Variants in KIAA1217 observed in about 807,000 individuals in gnomAD.
The protein encoded by KIAA1217 is KIAA1217, also known as sickle tail protein homolog.
Under a neutral mutation model 163.9 loss-of-function variants are expected in KIAA1217, and 88 were observed. That is an observed-to-expected ratio of 0.54 (90% CI 0.45 to 0.64). KIAA1217 has a LOEUF of 0.64. Ranked by LOEUF, KIAA1217 falls within the 30% of genes least tolerant of loss-of-function variation. The pLI is 0.00. For synonymous variants in KIAA1217, 903 were observed against 923.1 expected (o/e 0.98, Z 0.39); for missense variants, 2,372 against 2,475.0 (o/e 0.96, Z 0.88).
chr10:23,912,128 G>A (rs1842458735), intron 1 of KIAA1217, among the ~76,000 whole-genome samples: 1 of 152,036 alleles, frequency 6.6e-6, no homozygotes, highest in Admixed American at 6.6e-5. Flanking sequence ...AACTTTAAGT[G>A]CAATTGCCCC....
In KIAA1217 at chr10:24,183,860, A is replaced by G. The variant is rs573512957; in HGVS notation, c.-170-35766A>G. Among the ~76,000 whole-genome samples the G allele has an allele frequency of 2.0e-5, 3 of 152,364 alleles. No homozygotes were observed. The East Asian group carries it at 5.8e-4, about 29-fold the overall frequency. Reference sequence around the variant, plus strand: ...TATGCTATATGACAGCCTTTCAAATATATTAAGACAACTGCCAGGTCTCTT... The same window carrying G: ...TATGCTATATGACAGCCTTTCAAATGTATTAAGACAACTGCCAGGTCTCTT... On this transcript the variant is annotated intron_variant, in intron 2 of 18. Transcript: ENST00000376462.
At chr10:24,413,829 C>T (rs896127933) in intron 3 of KIAA1217, among the ~76,000 whole-genome samples, 1 of 152,222 alleles carries the variant, frequency 6.6e-6, no homozygotes, top group Admixed American at 6.5e-5. Context: ...AATCCGCCCA[C>T]TTCCACCCCA....
intron 2 of KIAA1217, among the ~76,000 whole-genome samples, chr10:24,148,363 A>G (rs1431826269): frequency 1.3e-5 from 2 of 152,102 alleles, no homozygotes; most frequent in Admixed American, 1.3e-4. Flanking sequence ...AGTTAAGCTT[A>G]GTGTTTTTTT....
chr10:23,860,720 G>T (rs1839911032), intron 1 of KIAA1217, among the ~76,000 whole-genome samples: 1 of 152,040 alleles, frequency 6.6e-6, no homozygotes. Context: ...CTTTTAACCT[G>T]CTATGGGCAA....
chr10:23,894,057 G>A (rs1315295347), intron 1 of KIAA1217, among the ~76,000 whole-genome samples: 2 of 151,984 alleles, frequency 1.3e-5, no homozygotes, highest in Non-Finnish European at 2.9e-5. Context: ...AAAGCTGGAA[G>A]CATTCCCTTT....
At chr10:24,358,860 T>TAC (rs1224705497) in intron 2 of KIAA1217, among the ~76,000 whole-genome samples, 1 of 152,208 alleles carries the variant, frequency 6.6e-6, no homozygotes, top group Non-Finnish European at 1.5e-5. Flanking sequence ...TGCATATATA[T>TAC]ACACATACAC....
chr10:23,820,912 T>A (rs1173073274), intron 1 of KIAA1217, among the ~76,000 whole-genome samples: 3 of 152,206 alleles, frequency 2.0e-5, no homozygotes, highest in African/African-American at 7.2e-5. Flanking sequence ...TGTAAGAATG[T>A]GCCCCCTTTG....
intron 1 of KIAA1217, among the ~76,000 whole-genome samples, chr10:23,885,652 A>G (rs974404327): frequency 1.3e-5 from 2 of 151,958 alleles, no homozygotes; most frequent in African/African-American, 4.8e-5. Flanking sequence ...CTCTGTGTTC[A>G]GCATTTAGGA....
At chr10:24,251,400 C>CAAAAAAAAAAAAAAA (rs55668887) in intron 2 of KIAA1217, among the ~76,000 whole-genome samples, 1 of 90,536 alleles carries the variant, frequency 1.1e-5, no homozygotes, top group African/African-American at 4.2e-5. Context: ...GACACTGTCT[C>CAAAAAAAAAAAAAAA]AAAAAAAAAA....
chr10:24,052,389 C>G (rs1002760855), intron 2 of KIAA1217, among the ~76,000 whole-genome samples: 1 of 152,074 alleles, frequency 6.6e-6, no homozygotes, highest in Admixed American at 6.5e-5. Flanking sequence ...AACTAACAAG[C>G]TCTATTTTTA....
At chr10:24,108,286 G>C (rs770880166) in intron 2 of KIAA1217, among the ~76,000 whole-genome samples, 4 of 152,078 alleles carry the variant, frequency 2.6e-5, no homozygotes, top group Admixed American at 2.6e-4. Context: ...AAAATATTTC[G>C]GTAGCAAAAA....
chr10:24,530,768 C>T (rs1327494418), intron 14 of KIAA1217, among the ~76,000 whole-genome samples: 1 of 152,152 alleles, frequency 6.6e-6, no homozygotes, highest in African/African-American at 2.4e-5. Context: ...CATGGTGGCA[C>T]ACACCTGCAG....
chr10:24,507,582 G>C (rs559805240), intron 9 of KIAA1217, among the ~76,000 whole-genome samples: 1 of 152,142 alleles, frequency 6.6e-6, no homozygotes, highest in African/African-American at 2.4e-5. Context: ...AATGGAAACT[G>C]TTCAAACTGA....
chr10:23,951,306 C>G (rs1844325328), intron 1 of KIAA1217, among the ~76,000 whole-genome samples: 1 of 152,106 alleles, frequency 6.6e-6, no homozygotes, highest in Non-Finnish European at 1.5e-5. Context: ...TCCAAGGTTG[C>G]TAGTAATGTC....
At chr10:24,176,755 G>A (rs764344992) in intron 2 of KIAA1217, among the ~76,000 whole-genome samples, 1 of 152,254 alleles carries the variant, frequency 6.6e-6, no homozygotes, top group African/African-American at 2.4e-5. Context: ...GTGATTGATA[G>A]GACTAGGCAC....
chr10:24,406,383 TCACACACAAACA>T (rs1406384814), intron 3 of KIAA1217, among the ~76,000 whole-genome samples: 2 of 125,276 alleles, frequency 1.6e-5, no homozygotes, highest in African/African-American at 5.8e-5. Context: ...AAAGGTACAT[TCACACACAAACA>T]CACACACACA....
At chr10:24,340,301 G>A (rs2046915471) in intron 2 of KIAA1217, among the ~76,000 whole-genome samples, 1 of 152,112 alleles carries the variant, frequency 6.6e-6, no homozygotes, top group Non-Finnish European at 1.5e-5. Context: ...ATTGAATCAT[G>A]GGGGCAGCTT....
At chr10:24,182,435 C>T (rs1393629881) in intron 2 of KIAA1217, among the ~76,000 whole-genome samples, 1 of 142,612 alleles carries the variant, frequency 7.0e-6, no homozygotes, top group Non-Finnish European at 1.5e-5. Context: ...GAGCAAGACT[C>T]CATCACACAC....
At chr10:23,862,505 C>G (rs1840002466) in intron 1 of KIAA1217, among the ~76,000 whole-genome samples, 1 of 152,118 alleles carries the variant, frequency 6.6e-6, no homozygotes, top group Admixed American at 6.5e-5. Flanking sequence ...TTATCTCTCT[C>G]TTTGGAGCCG....
Sources: gnomAD v4.1 joint callset for allele counts (sites outside exome capture counted in the v4.1 genomes callset) on GRCh38, gnomAD v4.1.1 for gene constraint, MANE v1.5 for transcripts, NCBI Gene and HGNC (gene_info 2026-07-23, HGNC 2026-07-21) for gene names.